TMC4: variants seen among roughly 807,000 people sequenced by gnomAD.
TMC4 encodes voltage-gated chloride channel TMC4.
A neutral mutation model predicts 82.0 loss-of-function variants in TMC4; 70 were observed. The observed-to-expected ratio is 0.85, with a 90% confidence interval of 0.70 to 1.04. The LOEUF is 1.04. Among genes scored for constraint, TMC4 ranks in the 50% least tolerant of loss-of-function variants. TMC4 has a pLI of 0.00. For missense variants in TMC4, 879 were observed against 899.0 expected (o/e 0.98, Z 0.28); for synonymous variants, 446 against 406.0 (o/e 1.10, Z -1.18).
rs782125109 is a variant in TMC4 at position 54,160,274 on chromosome 19, G to A, written c.*32C>T. On this transcript the variant is annotated 3_prime_UTR_variant, in exon 15 of 15. Coordinates refer to ENST00000619895, the MANE Select transcript of TMC4 (RefSeq NM_144686.4). ...TGTGACCTAGGCTTACAATGGGCCT[G>A]GGGTCTGAAAGCGGGACGTGGGCTG... The A allele has an allele frequency of 4.0e-6, 6 of 1,512,104 alleles. No individual in the cohort carries two copies. The East Asian group carries it at 1.4e-4, about 34-fold the overall frequency. 93.7% of individuals were successfully genotyped at this position (1,512,104 alleles called of 1,614,324 possible). A position where few individuals can be genotyped will look rare whatever the true frequency, so the allele number is the denominator to read the frequency against.
intron 10 of TMC4, 51 bp from the exon 11 acceptor site, chr19:54,162,336 G>A: frequency 7.8e-7 from 1 of 1,286,480 alleles, no homozygotes. Flanking sequence ...GCGGCCTGGA[G>A]TTTCCACGCC....
intron 1 of TMC4, 154 bp from the exon 2 acceptor site, chr19:54,172,237 C>T: frequency 2.7e-6 from 1 of 370,502 alleles, no homozygotes; most frequent in African/African-American, 3.1e-5. Context: ...GTCCAGGCCC[C>T]CGGCTCCTCC....
chr19:54,160,315 C>A lies in TMC4; in HGVS notation c.2112G>T (p.Pro704=), dbSNP rs373451202. 1 of 1,516,260 alleles carries A rather than the reference C, an allele frequency of 6.6e-7. No homozygotes were observed. Among genetic ancestry groups the A allele is most frequent in the East Asian group, 2.3e-5 (1 of 43,942 alleles). 93.9% of individuals were successfully genotyped at this position (1,516,260 alleles called of 1,614,324 possible). Residue 704 remains proline, a synonymous_variant, in exon 15 of 15, where the codon CCG becomes CCT. Transcript: ENST00000619895. ...RRAVALTSTK[P]AL is the part of the protein sequence containing the mutation. ...ACGTGGGCTGCGGGGGTCAAAGAGCCGGTTTGGTGGAGGTCAGCGCCACAG... is the reference window on the plus strand; with the variant it reads ...ACGTGGGCTGCGGGGGTCAAAGAGCAGGTTTGGTGGAGGTCAGCGCCACAG...
In TMC4 at chr19:54,163,977, C is replaced by CTTCTT. The variant is rs1555821654; in HGVS notation, c.1114-91_1114-90insAAGAA. The CTTCTT allele has an allele frequency of 3.0e-5, 31 of 1,020,134 alleles. No homozygotes were observed. The East Asian group carries it at 3.4e-4, about 11-fold the overall frequency. 63.2% of individuals were successfully genotyped at this position (1,020,134 alleles called of 1,614,324 possible). A position where few individuals can be genotyped will look rare whatever the true frequency, so the allele number is the denominator to read the frequency against. ...CCCCCGGCCTCTTCTTCTTCTTCTT[C>CTTCTT]TTTTTTTTTTTTTTTGAGACAGAGT... On this transcript the variant is annotated intron_variant, in intron 7 of 14. Coordinates refer to ENST00000619895, the MANE Select transcript of TMC4 (RefSeq NM_144686.4).
At chr19:54,173,005 C>T (rs761046700) in intron 1 of TMC4, 34 bp downstream of exon 1, 22 of 1,591,752 alleles carry the variant, frequency 1.4e-5, no homozygotes, top group Admixed American at 1.0e-4. Context: ...GCCTGAAGGT[C>T]GGATGGATCT....
At position 54,171,854 on chromosome 19, in the gene TMC4, G is replaced by A. The variant is rs1167057215; in HGVS notation, c.293+16C>T. 1.3e-6 allele frequency: 2 copies of A among 1,579,322 alleles called. No individual in the cohort carries two copies. ...GGTCCGGGCTGTGCGGGTCCCAGCT[G>A]GAGGTGGGGCCTCACCTGTGTGCCC... On this transcript the variant is annotated intron_variant, in intron 2 of 14. Coordinates refer to ENST00000619895, the MANE Select transcript of TMC4 (RefSeq NM_144686.4).
At chr19:54,169,013 T>A (rs1339010772) in intron 3 of TMC4, among the ~76,000 whole-genome samples, 344 of 17,668 alleles carry the variant, frequency 0.019, 99 homozygotes, top group South Asian at 0.033. Flanking sequence ...TATATATATT[T>A]TTTTTTTTTT....
Position 54,163,880 on chromosome 19 carries a change from G to A in TMC4, c.1121C>T (p.Pro374Leu). ...TGCTVELQEM[P>L]LVQELPLLKL... Reference sequence around the variant, plus strand: ...CAGCAGTGGCAACTCCTGGACAAGGGGCATCTCCTGGGAGCGGGATGGACC... The same window carrying A: ...CAGCAGTGGCAACTCCTGGACAAGGAGCATCTCCTGGGAGCGGGATGGACC... Residue 374 changes from proline to leucine, a missense_variant, in exon 8 of 15, where the codon CCC becomes CTC. By Grantham distance (98) the Pro-to-Leu change is moderately conservative. Coordinates refer to ENST00000619895, the MANE Select transcript of TMC4 (RefSeq NM_144686.4). 2 of 1,614,060 alleles carry A rather than the reference G, an allele frequency of 1.2e-6. No individual in the cohort carries two copies. Among genetic ancestry groups the A allele is most frequent in the Non-Finnish European group, 1.7e-6 (2 of 1,180,018 alleles).
At chr19:54,162,410 T>G in intron 10 of TMC4, 125 bp from the exon 11 acceptor site, 1 of 745,574 alleles carries the variant, frequency 1.3e-6, no homozygotes. Flanking sequence ...GGGGCGGGAC[T>G]TTCAGGACTC....
chr19:54,161,001 C>G lies in TMC4; in HGVS notation c.1850G>C (p.Arg617Pro), dbSNP rs749944479. The G allele has an allele frequency of 2.5e-6, 4 of 1,614,024 alleles. No individual in the cohort carries two copies. The highest frequency in any genetic ancestry group is 3.4e-6 in the Non-Finnish European group (4 of 1,180,030). ...CTGGGCCCAGATGGACGACTGCCCC[C>G]GGAATGGACCACACAGCTTAGAAGG... ...IPPSKLCGPFRGQSSIWAQIP... is the reference protein window; with the variant it reads ...IPPSKLCGPFPGQSSIWAQIP... The change falls in exon 13 of 15, where the codon CGG (arginine) becomes CCG (proline). Residue 617 changes from arginine to proline, a missense_variant. Arg to Pro is a moderately radical substitution (Grantham distance 103). Coordinates refer to ENST00000619895, the MANE Select transcript of TMC4 (RefSeq NM_144686.4).
intron 2 of TMC4, among the ~76,000 whole-genome samples, chr19:54,170,180 T>A (rs911282050): frequency 2.6e-5 from 4 of 152,022 alleles, no homozygotes; most frequent in Non-Finnish European, 5.9e-5. Context: ...TGTATGATTC[T>A]ATTTGCACAA....
intron 11 of TMC4, among the ~76,000 whole-genome samples, chr19:54,161,612 C>T (rs2075557441): frequency 6.6e-6 from 1 of 152,236 alleles, no homozygotes; most frequent in African/African-American, 2.4e-5. Context: ...GATCTTGGCT[C>T]ACTTCGACCT....
Position 54,163,092 on chromosome 19 carries a change from C to A in TMC4, c.1345G>T (p.Gly449Trp), listed in dbSNP as rs1442963531. Residue 449 changes from glycine to tryptophan, a missense_variant, in exon 9 of 15, where the codon GGG becomes TGG. Gly to Trp is a radical substitution (Grantham distance 184). Transcript: ENST00000619895. ...CAGTCCTCAGCCTCGGAGTCGCCCC[C>A]ACAAGTGATCTGATTCCAGAGAGAG... ...LFSLWNQITC[G>W]GDSEAEDCKT... 3 of 1,613,904 alleles carry A rather than the reference C, an allele frequency of 1.9e-6. No homozygotes were observed. The highest frequency in any genetic ancestry group is 2.2e-5 in the East Asian group (1 of 44,840).
At chr19:54,162,585 T>TA in intron 10 of TMC4, 88 bp downstream of exon 10, 1 of 1,073,218 alleles carries the variant, frequency 9.3e-7, no homozygotes, top group Non-Finnish European at 1.4e-6. Context: ...GCGGGAATGG[T>TA]AAAAAGGTGC....
At position 54,173,105 on chromosome 19, in the gene TMC4, G is replaced by T. The variant is rs761337113; in HGVS notation, c.13C>A (p.Pro5Thr). 19 of 1,568,648 alleles carry T rather than the reference G, an allele frequency of 1.2e-5. 1 individual carries two copies. In the Middle Eastern group the frequency reaches 1.3e-3, roughly 110 times the overall value. ...CCCCAGGCTTCTGATTCCAAGGTCG[G>T]GTTTTCTTCCATGGCCCCAGGCTGG... is the stretch of plus-strand genomic sequence containing the variant. The part of the protein sequence containing the change: MEEN[P>T]TLESEAWGSS... Residue 5 changes from proline to threonine, a missense_variant, in exon 1 of 15, where the codon CCG (proline) becomes ACG (threonine). Coordinates refer to ENST00000619895, the MANE Select transcript of TMC4 (RefSeq NM_144686.4).
chr19:54,170,611 GTTTTATTTTA>G (rs79583907), intron 2 of TMC4, among the ~76,000 whole-genome samples: 10 of 137,590 alleles, frequency 7.3e-5, no homozygotes, highest in Admixed American at 5.7e-4. Flanking sequence ...TCCTGTGTTT[GTTTTATTTTA>G]TTTTATTTTA....
In TMC4 at chr19:54,168,553, TG is replaced by T. The variant is rs777299394; in HGVS notation, c.569del (p.Pro190GlnfsTer82). ...AGGAGATGTCGGGGCCGGGAGGGCC[TG>T]GGGGAGCGCCTCCCAACCAGGTGGG... ...LLPTWLGGAP[P>X]GPPGPDISSP... On this transcript the variant is annotated frameshift_variant, in exon 4 of 15. Coordinates refer to ENST00000619895, the MANE Select transcript of TMC4 (RefSeq NM_144686.4). LOFTEE classifies it high-confidence loss of function. 12 of 1,568,460 alleles carry T rather than the reference TG, an allele frequency of 7.7e-6. 1 individual carries two copies. The South Asian group carries it at 1.4e-4, about 18-fold the overall frequency.
At chr19:54,171,839 G>C (rs1357159358) in intron 2 of TMC4, 31 bp downstream of exon 2, 1 of 1,564,778 alleles carries the variant, frequency 6.4e-7, no homozygotes, top group Non-Finnish European at 8.7e-7. Flanking sequence ...GGTCCGGGCT[G>C]TGCGGGTCCC....
intron 1 of TMC4, 32 bp from the exon 2 acceptor site, chr19:54,172,115 G>C (rs1023082212): frequency 1.3e-6 from 2 of 1,497,940 alleles, no homozygotes; most frequent in African/African-American, 2.8e-5. Flanking sequence ...GGAAGACCCG[G>C]GAGTCTGGGC....
Sources: allele counts gnomAD v4.1 joint callset (sites outside exome capture counted in the v4.1 genomes callset), GRCh38; gene constraint gnomAD v4.1.1; transcripts MANE v1.5; gene names NCBI Gene and HGNC (gene_info 2026-07-23, HGNC 2026-07-21).